Variants in DMD observed in about 807,000 individuals in gnomAD.
DMD encodes mutant dystrophin.
A neutral mutation model predicts 330.1 loss-of-function variants in DMD; 63 were observed. That is an observed-to-expected ratio of 0.19 (90% CI 0.16 to 0.24). The LOEUF is 0.24. DMD is among the 10% of genes least tolerant of loss of function. The probability of loss-of-function intolerance (pLI) is 1.00; values close to 1 mark genes in which losing one functional copy is unlikely to be tolerated. For synonymous variants in DMD, 1,223 were observed against 959.8 expected (o/e 1.27, Z -5.07); for missense variants, 3,344 against 2,684.1 (o/e 1.25, Z -5.43).
chrX:33,009,941 TACAC>T (rs1472503604), intron 2 of DMD, among the ~76,000 whole-genome samples: 1 of 50,291 alleles, frequency 2.0e-5, no homozygotes, highest in Non-Finnish European at 3.4e-5. Context: ...TGTGTGTATA[TACAC>T]GTGTGTATGT....
intron 7 of DMD, among the ~76,000 whole-genome samples, chrX:32,753,270 A>G (rs761355651): frequency 1.1e-4 from 12 of 112,041 alleles, no homozygotes; most frequent in Non-Finnish European, 2.1e-4. Flanking sequence ...CTATTATACA[A>G]TCATAATTAT....
chrX:32,602,308 T>A (rs1229682199), intron 12 of DMD, among the ~76,000 whole-genome samples: 1 of 109,538 alleles, frequency 9.1e-6, no homozygotes, highest in Non-Finnish European at 1.9e-5. Flanking sequence ...CTACAATCCA[T>A]GCATGCACCC....
At chrX:31,135,345 A>G (rs766455099) in intron 76 of DMD, among the ~76,000 whole-genome samples, 24 of 112,562 alleles carry the variant, frequency 2.1e-4, no homozygotes, top group South Asian at 1.8e-3. Flanking sequence ...TTAAACTCCA[A>G]TGTAATAGAA....
chrX:33,080,254 A>T (rs991595468), intron 1 of DMD, among the ~76,000 whole-genome samples: 1 of 111,991 alleles, frequency 8.9e-6, no homozygotes, highest in East Asian at 2.8e-4. Context: ...CCTTTTTCAA[A>T]TCTTAGCCAA....
chrX:31,749,986 G>T (rs1414513227), intron 51 of DMD, among the ~76,000 whole-genome samples: 1 of 108,367 alleles, frequency 9.2e-6, no homozygotes, highest in Non-Finnish European at 1.9e-5. Flanking sequence ...CTTTTGGATG[G>T]GGTTGTTTGT....
intron 1 of DMD, among the ~76,000 whole-genome samples, chrX:33,186,527 G>T (rs1030077204): frequency 9.0e-6 from 1 of 110,722 alleles, no homozygotes; most frequent in African/African-American, 3.3e-5. Context: ...AAGGAAGTGG[G>T]ACCTGGATAA....
chrX:32,191,134 CTTTTGAAAGTTCTGATAT>C (rs1364217546), intron 44 of DMD, among the ~76,000 whole-genome samples: 3 of 111,430 alleles, frequency 2.7e-5, no homozygotes, highest in African/African-American at 6.5e-5. Flanking sequence ...CCAGTTCCTG[CTTTTGAAAGTTCTGATAT>C]TTAGATGGCT....
At chrX:32,927,747 C>T (rs2089196464) in intron 2 of DMD, among the ~76,000 whole-genome samples, 1 of 111,089 alleles carries the variant, frequency 9.0e-6, no homozygotes, top group Non-Finnish European at 1.9e-5. Context: ...AAAATTTGCT[C>T]TTATGTTCTT....
intron 9 of DMD, among the ~76,000 whole-genome samples, chrX:32,696,111 G>C (rs983502884): frequency 8.9e-6 from 1 of 111,964 alleles, no homozygotes; most frequent in African/African-American, 3.3e-5. Context: ...CTCTTATAGA[G>C]AACGTTATTT....
intron 1 of DMD, among the ~76,000 whole-genome samples, chrX:33,282,679 C>T (rs995005432): frequency 8.9e-6 from 1 of 112,044 alleles, no homozygotes; most frequent in African/African-American, 3.2e-5. Flanking sequence ...AAAGGAGAGG[C>T]ACTTACCCTA....
At chrX:31,972,867 T>C (rs1290624213) in intron 44 of DMD, among the ~76,000 whole-genome samples, 1 of 111,676 alleles carries the variant, frequency 9.0e-6, no homozygotes, top group Non-Finnish European at 1.9e-5. Flanking sequence ...TTATCTTGTT[T>C]TTTTATCCTA....
intron 41 of DMD, among the ~76,000 whole-genome samples, chrX:32,311,944 C>T (rs569908140): frequency 2.9e-4 from 32 of 111,464 alleles, no homozygotes; most frequent in Non-Finnish European, 4.9e-4. Context: ...TTAATAAGCT[C>T]GTCTTTCTTA....
At chrX:33,114,523 T>C (rs2095366965) in intron 1 of DMD, among the ~76,000 whole-genome samples, 1 of 111,723 alleles carries the variant, frequency 9.0e-6, no homozygotes, top group African/African-American at 3.2e-5. Context: ...TAGTAACCTC[T>C]AGTGCTCATT....
chrX:31,236,446 G>A (rs12391433), intron 63 of DMD, among the ~76,000 whole-genome samples: 1 of 112,051 alleles, frequency 8.9e-6, no homozygotes, highest in Non-Finnish European at 1.9e-5. Context: ...GAAATGACGT[G>A]AGCACTAAAG....
chrX:31,676,743 TAA>T (rs764151431), intron 53 of DMD, among the ~76,000 whole-genome samples: 1 of 112,340 alleles, frequency 8.9e-6, no homozygotes, highest in African/African-American at 3.2e-5. Flanking sequence ...CTAAGAATAA[TAA>T]GAGTACTTTT....
chrX:32,059,451 C>T (rs186817419), intron 44 of DMD, among the ~76,000 whole-genome samples: 3 of 110,916 alleles, frequency 2.7e-5, no homozygotes, highest in Non-Finnish European at 5.7e-5. Flanking sequence ...TAATAAAAGT[C>T]CAAGGCAACA....
At chrX:31,588,508 C>T (rs1284315893) in intron 55 of DMD, among the ~76,000 whole-genome samples, 4 of 111,311 alleles carry the variant, frequency 3.6e-5, no homozygotes, top group African/African-American at 9.8e-5. Context: ...CTCAGACTTG[C>T]CTATTCTACC....
chrX:32,134,217 T>A (rs950111705), intron 44 of DMD, among the ~76,000 whole-genome samples: 3 of 111,022 alleles, frequency 2.7e-5, no homozygotes, highest in Non-Finnish European at 3.8e-5. Context: ...CCCCCAAGAA[T>A]CCAGAGGGCA....
intron 7 of DMD, among the ~76,000 whole-genome samples, chrX:32,797,625 T>C: frequency 8.9e-6 from 1 of 112,081 alleles, no homozygotes. Flanking sequence ...ATTTCTTTAG[T>C]CTCATGAACT....
Sources: allele counts gnomAD v4.1 joint callset (sites outside exome capture counted in the v4.1 genomes callset), GRCh38; gene constraint gnomAD v4.1.1; transcripts MANE v1.5; gene names NCBI Gene and HGNC (gene_info 2026-07-23, HGNC 2026-07-21).